The following RBFOX1 variants were observed in gnomAD, a reference collection of about 807,000 sequenced individuals.
RBFOX1 encodes the protein RNA binding fox-1 homolog 1, also known as RNA binding protein fox-1 homolog 1.
Under a neutral mutation model 57.7 loss-of-function variants are expected in RBFOX1, and 8 were observed. The ratio of observed to expected loss-of-function variants is 0.14; its 90% confidence interval spans 0.08 to 0.25. The LOEUF is 0.25. RBFOX1 is among the 10% of genes least tolerant of loss of function. RBFOX1 has a pLI of 1.00. For missense variants in RBFOX1, 611 were observed against 548.5 expected (o/e 1.11, Z -1.14); for synonymous variants, 326 against 222.4 (o/e 1.47, Z -4.15).
At chr16:5,938,284 C>G (rs190721829) in intron 4 of RBFOX1, among the ~76,000 whole-genome samples, 2 of 152,228 alleles carry the variant, frequency 1.3e-5, no homozygotes, top group African/African-American at 2.4e-5. Flanking sequence ...GTCCCATGAC[C>G]TGAGCTAGAC....
intron 1 of RBFOX1, among the ~76,000 whole-genome samples, chr16:6,098,288 A>G (rs1199534717): frequency 1.3e-5 from 2 of 152,200 alleles, no homozygotes; most frequent in African/African-American, 4.8e-5. Flanking sequence ...GTCACCTGGC[A>G]AGTCCCTTGC....
chr16:6,175,232 G>T (rs1172455056), intron 1 of RBFOX1, among the ~76,000 whole-genome samples: 1 of 152,090 alleles, frequency 6.6e-6, no homozygotes, highest in African/African-American at 2.4e-5. Context: ...TAGCCATGAG[G>T]GAAAGAAAAA....
At chr16:6,445,431 G>C (rs1037774930) in intron 2 of RBFOX1, among the ~76,000 whole-genome samples, 1 of 151,884 alleles carries the variant, frequency 6.6e-6, no homozygotes, top group Non-Finnish European at 1.5e-5. Flanking sequence ...AGGTTATTGC[G>C]TTGAGATCAA....
At chr16:6,801,574 A>G (rs191084951) in intron 3 of RBFOX1, among the ~76,000 whole-genome samples, 2 of 152,192 alleles carry the variant, frequency 1.3e-5, no homozygotes, top group African/African-American at 4.8e-5. Flanking sequence ...GAAGCCCATA[A>G]TTGGGGTGGA....
Position 7,367,955 on chromosome 16 carries a change from A to G in RBFOX1, c.28-150192A>G, listed in dbSNP as rs536878261. Among the ~76,000 whole-genome samples the G allele has an allele frequency of 1.6e-4, 24 of 152,170 alleles. No homozygotes were observed. In the South Asian group the frequency reaches 4.4e-3, roughly 28 times the overall value. On this transcript the variant is annotated intron_variant, in intron 4 of 15. Transcript: ENST00000550418. ...CAAACACATCATTAGCCCAAGGGTC[A>G]CCAGTTTATAATCTTTACTCTAAAG...
intron 4 of RBFOX1, among the ~76,000 whole-genome samples, chr16:5,960,885 A>G (rs1292656430): frequency 6.6e-6 from 1 of 152,200 alleles, no homozygotes; most frequent in Non-Finnish European, 1.5e-5. Context: ...TAGGCTGTTG[A>G]CAGAGTGTTG....
chr16:7,201,825 G>A (rs1307477342), intron 4 of RBFOX1, among the ~76,000 whole-genome samples: 3 of 152,152 alleles, frequency 2.0e-5, no homozygotes, highest in Admixed American at 1.3e-4. Context: ...CAAGCGTGAA[G>A]TTAGGAAGCT....
At chr16:7,590,863 G>GAAAAAAAAAAAAAAAA (rs36061659) in intron 7 of RBFOX1, among the ~76,000 whole-genome samples, 1 of 102,924 alleles carries the variant, frequency 9.7e-6, no homozygotes. Context: ...CTGTCTCTAA[G>GAAAAAAAAAAAAAAAA]AAAAAAAAAA....
At chr16:7,641,842 T>G (rs929978516) in intron 11 of RBFOX1, among the ~76,000 whole-genome samples, 1 of 152,208 alleles carries the variant, frequency 6.6e-6, no homozygotes, top group Non-Finnish European at 1.5e-5. Context: ...TACCTACCCA[T>G]GAGCACTAAA....
At chr16:5,962,406 T>C (rs1768660472) in intron 4 of RBFOX1, among the ~76,000 whole-genome samples, 1 of 152,182 alleles carries the variant, frequency 6.6e-6, no homozygotes, top group South Asian at 2.1e-4. Context: ...ACCTTCTTTA[T>C]CTCTAAGATT....
In RBFOX1 at chr16:7,105,273, G is replaced by A. The variant is rs187346704; in HGVS notation, c.27+53175G>A. Among the ~76,000 whole-genome samples, 263 of 142,742 alleles carry A rather than the reference G, an allele frequency of 1.8e-3. 1 individual carries two copies. Among genetic ancestry groups the A allele is most frequent in the African/African-American group, 6.6e-3 (252 of 38,128 alleles). 93.6% of individuals were successfully genotyped at this position (142,742 alleles called of 152,430 possible). Reference sequence around the variant, plus strand: ...GGCCAATCCTTAATCTTTTTCTCTGGAACCATATGGTCTGATTTTTTTTTT... The same window carrying A: ...GGCCAATCCTTAATCTTTTTCTCTGAAACCATATGGTCTGATTTTTTTTTT... On this transcript the variant is annotated intron_variant, in intron 4 of 15. Coordinates refer to ENST00000550418, the MANE Select transcript of RBFOX1 (RefSeq NM_018723.4).
intron 3 of RBFOX1, among the ~76,000 whole-genome samples, chr16:6,689,009 T>A (rs2059844110): frequency 6.6e-6 from 1 of 152,238 alleles, no homozygotes; most frequent in South Asian, 2.1e-4. Flanking sequence ...GGTTTATATG[T>A]GCTGCATTTT....
At chr16:7,708,000 T>C (rs1466412618) in intron 14 of RBFOX1, among the ~76,000 whole-genome samples, 19 of 152,062 alleles carry the variant, frequency 1.2e-4, no homozygotes, top group Non-Finnish European at 2.8e-4. Flanking sequence ...GGCAAACAAG[T>C]ATGGGCACAG....
rs558384707 is a variant in RBFOX1 at position 6,019,592 on chromosome 16, G to T, written c.-527G>T. ...GACCCACGCGCGCGCCTCCGGGGCTGAAGAAGGAAGGAGTGAGCCGAGCCG... is the reference window on the plus strand; with the variant it reads ...GACCCACGCGCGCGCCTCCGGGGCTTAAGAAGGAAGGAGTGAGCCGAGCCG... On this transcript the variant is annotated 5_prime_UTR_variant, in exon 1 of 16. Coordinates refer to ENST00000550418, the MANE Select transcript of RBFOX1 (RefSeq NM_018723.4). This position sits in a 1 kb window ranked among gnomAD's most constrained non-coding sequence, Gnocchi z 4.2. 57 of 1,202,424 alleles carry T rather than the reference G, an allele frequency of 4.7e-5. No homozygotes were observed. In the African/African-American group the frequency reaches 8.2e-4, roughly 17 times the overall value. The allele number at this position is 1,202,424 out of a possible 1,614,324, so 74.5% of individuals were successfully genotyped here. A position where few individuals can be genotyped will look rare whatever the true frequency, so the allele number is the denominator to read the frequency against.
chr16:6,933,166 C>A (rs2076831513), intron 3 of RBFOX1, among the ~76,000 whole-genome samples: 1 of 152,196 alleles, frequency 6.6e-6, no homozygotes, highest in African/African-American at 2.4e-5. Flanking sequence ...TGGGTTCCTT[C>A]CACACTTGAG....
intron 4 of RBFOX1, among the ~76,000 whole-genome samples, chr16:7,185,458 T>C (rs917676560): frequency 6.6e-6 from 1 of 152,166 alleles, no homozygotes; most frequent in Non-Finnish European, 1.5e-5. Flanking sequence ...TAAGACTAGA[T>C]TAGAGCTATC....
At chr16:6,779,750 T>G (rs2080048837) in intron 3 of RBFOX1, among the ~76,000 whole-genome samples, 1 of 30,290 alleles carries the variant, frequency 3.3e-5, no homozygotes, top group South Asian at 9.0e-4. Flanking sequence ...TTTTTATATA[T>G]ACTTTTATAT....
chr16:7,501,986 C>A (rs1057246874), intron 4 of RBFOX1, among the ~76,000 whole-genome samples: 3 of 152,176 alleles, frequency 2.0e-5, no homozygotes, highest in African/African-American at 7.2e-5. Flanking sequence ...GAAACAATTG[C>A]GTGAGTATCA....
At position 7,136,629 on chromosome 16, in the gene RBFOX1, C is replaced by G. The variant is rs554861376; in HGVS notation, c.27+84531C>G. Among the ~76,000 whole-genome samples the G allele has an allele frequency of 4.6e-5, 7 of 152,188 alleles. No homozygotes were observed. In the East Asian group the frequency reaches 1.4e-3, roughly 29 times the overall value. On this transcript the variant is annotated intron_variant, in intron 4 of 15. Transcript: ENST00000550418. ...GCTGGGTCTCATAATGTTGCCCAGG[C>G]TGATCTTGAACTCCTGGCCTCAAAC...
Sources: allele counts gnomAD v4.1 joint callset (sites outside exome capture counted in the v4.1 genomes callset), GRCh38; gene constraint gnomAD v4.1.1; non-coding constraint Gnocchi (gnomAD v3.1); transcripts MANE v1.5; gene names NCBI Gene and HGNC (gene_info 2026-07-23, HGNC 2026-07-21).